The following FAM222A variants were observed in gnomAD, a reference collection of about 807,000 sequenced individuals.
The protein encoded by FAM222A is protein FAM222A.
A neutral mutation model predicts 25.8 loss-of-function variants in FAM222A; 7 were observed. The observed-to-expected ratio is 0.27, with a 90% CI of 0.15 to 0.51. The LOEUF is 0.51. Ranked by LOEUF, FAM222A falls within the 20% of genes least tolerant of loss-of-function variation. The probability of loss-of-function intolerance (pLI) is 0.97; values close to 1 mark genes in which losing one functional copy is unlikely to be tolerated. For synonymous variants in FAM222A, 294 were observed against 298.8 expected (o/e 0.98, Z 0.17); for missense variants, 573 against 640.5 (o/e 0.89, Z 1.14).
At chr12:109,757,725 A>G (rs1306533924) in intron 2 of FAM222A, among the ~76,000 whole-genome samples, 1 of 151,960 alleles carries the variant, frequency 6.6e-6, no homozygotes. Flanking sequence ...GTGGCTGCAG[A>G]AAGACAATGA....
intron 2 of FAM222A, among the ~76,000 whole-genome samples, chr12:109,763,398 G>A (rs1335575818): frequency 6.6e-6 from 1 of 152,244 alleles, no homozygotes; most frequent in African/African-American, 2.4e-5. Context: ...GGCTTAGGAA[G>A]TTGGGAGCAG....
intron 1 of FAM222A, among the ~76,000 whole-genome samples, chr12:109,743,476 G>T (rs1282941368): frequency 6.6e-6 from 1 of 152,204 alleles, no homozygotes; most frequent in African/African-American, 2.4e-5. Context: ...GGGATCTCGG[G>T]TCAGGGCAGC....
At chr12:109,747,403 C>T (rs928670577) in intron 2 of FAM222A, among the ~76,000 whole-genome samples, 3 of 152,266 alleles carry the variant, frequency 2.0e-5, no homozygotes, top group Non-Finnish European at 2.9e-5. Context: ...CCCTATAGTA[C>T]ATTTTAGTAT....
chr12:109,716,862 A>G (rs1209217378), intron 1 of FAM222A, among the ~76,000 whole-genome samples: 5 of 152,248 alleles, frequency 3.3e-5, no homozygotes, highest in Admixed American at 6.5e-5. Context: ...GCATCTCCCT[A>G]TATGCCAGGC....
chr12:109,766,311 G>A lies in FAM222A; in HGVS notation c.83-1701G>A, dbSNP rs147556060. On this transcript the variant is annotated intron_variant, in intron 2 of 2. Transcript: ENST00000538780. ...GTCTCAGGACCAGGGAGGGGCTATG[G>A]ATGGGGGCAGGAGTCTGCCCGCCAT... Among the ~76,000 whole-genome samples the A allele has an allele frequency of 2.9e-3, 435 of 152,366 alleles. 3 individuals carry two copies. The highest frequency in any genetic ancestry group is 5.1e-3 in the Non-Finnish European group (345 of 68,036).
chr12:109,742,504 G>C (rs1888270959), intron 1 of FAM222A, among the ~76,000 whole-genome samples: 1 of 152,156 alleles, frequency 6.6e-6, no homozygotes, highest in African/African-American at 2.4e-5. Context: ...CCGGGAAGTG[G>C]ATACTGCAGC....
At chr12:109,726,385 C>T (rs1887843706) in intron 1 of FAM222A, among the ~76,000 whole-genome samples, 2 of 152,134 alleles carry the variant, frequency 1.3e-5, no homozygotes, top group South Asian at 4.1e-4. Context: ...CTGCACAGAC[C>T]CTGTGAGGGT....
At chr12:109,757,888 C>T (rs958781254) in intron 2 of FAM222A, among the ~76,000 whole-genome samples, 4 of 152,162 alleles carry the variant, frequency 2.6e-5, no homozygotes, top group Non-Finnish European at 5.9e-5. Context: ...CAGGCAGCAA[C>T]ATCAGGACAA....
intron 2 of FAM222A, among the ~76,000 whole-genome samples, chr12:109,756,566 A>T (rs759513487): frequency 1.3e-5 from 2 of 152,146 alleles, no homozygotes; most frequent in Non-Finnish European, 2.9e-5. Flanking sequence ...TGTTTTTATC[A>T]TGAGGGATAT....
chr12:109,765,880 TACTC>T (rs978321019), intron 2 of FAM222A, among the ~76,000 whole-genome samples: 3 of 152,198 alleles, frequency 2.0e-5, no homozygotes, highest in Non-Finnish European at 4.4e-5. Context: ...AAGGTATTAA[TACTC>T]ACGCTCACAG....
At position 109,714,204 on chromosome 12, in the gene FAM222A, C is replaced by CGCCGCCGCCGCCGCT. The variant is rs1020803472; in HGVS notation, c.-728_-714dup. ...CATCCGAGCTTGCGTCGCCCGCTGCCGCCGCCGCCGCCGCTGCCGCCGCCG... is the reference window on the plus strand; with the variant it reads ...CATCCGAGCTTGCGTCGCCCGCTGCCGCCGCCGCCGCCGCTGCCGCCGCCGCCGCTGCCGCCGCCG... On this transcript the variant is annotated 5_prime_UTR_variant, in exon 1 of 3. Transcript: ENST00000538780. The surrounding 1 kb of genome is among the most constrained non-coding windows in gnomAD (Gnocchi z 4.2). 2.0e-5 allele frequency: 4 copies of CGCCGCCGCCGCCGCT among 197,482 alleles called. 1 individual carries two copies. The highest frequency in any genetic ancestry group is 6.3e-5 in the Admixed American group (1 of 15,890). The allele number at this position is 197,482 out of a possible 1,614,324, so 12.2% of individuals were successfully genotyped here.
At chr12:109,755,343 A>C (rs1888694899) in intron 2 of FAM222A, among the ~76,000 whole-genome samples, 2 of 89,762 alleles carry the variant, frequency 2.2e-5, no homozygotes, top group Non-Finnish European at 4.0e-5. Flanking sequence ...ACAGAGTTTC[A>C]CTCTTGTTAC....
intron 1 of FAM222A, chr12:109,720,229 C>T: frequency 1.0e-6 from 1 of 976,494 alleles, no homozygotes; most frequent in Non-Finnish European, 1.2e-6. Context: ...GCACAGGGGA[C>T]AAAGGCCTGG....
intron 1 of FAM222A, among the ~76,000 whole-genome samples, chr12:109,726,933 T>C (rs571664043): frequency 6.6e-6 from 1 of 152,204 alleles, no homozygotes; most frequent in Non-Finnish European, 1.5e-5. Context: ...GTCCAAAAAG[T>C]TGGGTGTGCT....
intron 1 of FAM222A, among the ~76,000 whole-genome samples, chr12:109,739,932 C>T (rs1888192900): frequency 6.6e-6 from 1 of 152,182 alleles, no homozygotes; most frequent in Admixed American, 6.5e-5. Flanking sequence ...AATACATGCT[C>T]ACCACCGTTA....
intron 1 of FAM222A, among the ~76,000 whole-genome samples, chr12:109,732,656 C>T (rs146730155): frequency 0.011 from 1,664 of 152,356 alleles, 77 homozygotes; most frequent in Admixed American, 0.077. Flanking sequence ...CGCCCATCCT[C>T]TGGGCCCACT....
chr12:109,764,640 TC>T (rs1053025829), intron 2 of FAM222A, among the ~76,000 whole-genome samples: 9 of 152,188 alleles, frequency 5.9e-5, no homozygotes, highest in African/African-American at 2.2e-4. Flanking sequence ...AATTTTTTTT[TC>T]CCCGGCAGCT....
rs1889211321 is a variant in FAM222A, at chr12:109,770,390, G to T, written c.*1102G>T. The T allele has an allele frequency of 6.6e-6, 1 of 152,516 alleles. No homozygotes were observed. The highest frequency in any genetic ancestry group is 1.5e-5 in the Non-Finnish European group (1 of 68,050). 9.4% of individuals were successfully genotyped at this position (152,516 alleles called of 1,614,324 possible). The stretch of plus-strand genomic sequence containing the variant: ...ACTAAGTGCATTTACAAATCTCTGA[G>T]AATGTTTTTTTTATACTAAAATTGA... On this transcript the variant is annotated 3_prime_UTR_variant, in exon 3 of 3. Transcript: ENST00000538780.
intron 1 of FAM222A, among the ~76,000 whole-genome samples, chr12:109,719,352 T>C (rs914588777): frequency 3.9e-4 from 59 of 152,302 alleles, no homozygotes; most frequent in African/African-American, 1.4e-3. Context: ...CAGCCAGAGA[T>C]GGGAAGGCAG....
Sources: gnomAD v4.1 joint callset for allele counts (sites outside exome capture counted in the v4.1 genomes callset) on GRCh38, gnomAD v4.1.1 for gene constraint, Gnocchi (gnomAD v3.1) non-coding constraint, MANE v1.5 for transcripts, NCBI Gene and HGNC (gene_info 2026-07-23, HGNC 2026-07-21) for gene names.